TGFBR1: variants seen among roughly 807,000 people sequenced by gnomAD.
TGFBR1 encodes TGF-beta receptor type-1.
A neutral mutation model predicts 55.1 loss-of-function variants in TGFBR1; 20 were observed. The observed-to-expected ratio is 0.36, with a 90% CI of 0.26 to 0.53. The LOEUF (loss-of-function observed/expected upper bound fraction) is 0.53. TGFBR1 is among the 20% of genes least tolerant of loss of function. TGFBR1 has a pLI of 0.91. For missense variants in TGFBR1, 385 were observed against 617.6 expected (o/e 0.62, Z 3.99); for synonymous variants, 220 against 214.8 (o/e 1.02, Z -0.21).
intron 5 of TGFBR1, among the ~76,000 whole-genome samples, chr9:99,143,181 T>C (rs1455126558): frequency 6.6e-6 from 1 of 152,220 alleles, no homozygotes; most frequent in Non-Finnish European, 1.5e-5. Flanking sequence ...AATCTGGAAA[T>C]TTGTTTAGAG....
Position 99,153,331 on chromosome 9 carries a change from C to G in TGFBR1, c.*4026C>G, listed in dbSNP as rs920188811. On this transcript the variant is annotated 3_prime_UTR_variant, in exon 9 of 9. Transcript: ENST00000374994. The stretch of plus-strand genomic sequence containing the variant: ...TTGTTTATATTTGTACCCCAAATAA[C>G]ATCGTCTGTACTTTCTGTTTTCTGT... 4.6e-6 allele frequency: 1 copy of G among 217,550 alleles called. No individual in the cohort carries two copies. Among genetic ancestry groups the G allele is most frequent in the African/African-American group, 2.2e-5 (1 of 44,566 alleles). 13.5% of individuals were successfully genotyped at this position (217,550 alleles called of 1,614,324 possible).
rs1826366468 is a variant in TGFBR1, at chr9:99,105,162, G to A, written c.-44G>A. On this transcript the variant is annotated 5_prime_UTR_variant, in exon 1 of 9. Coordinates refer to ENST00000374994, the MANE Select transcript of TGFBR1 (RefSeq NM_004612.4). ...CGAGGTTTGCTGGGGTGAGGCAGCGGCGCGGCCGGGCCGGGCCGGGCCACA... is the reference window on the plus strand; with the variant it reads ...CGAGGTTTGCTGGGGTGAGGCAGCGACGCGGCCGGGCCGGGCCGGGCCACA... 1.6e-5 allele frequency: 17 copies of A among 1,085,538 alleles called. No individual in the cohort carries two copies. Among genetic ancestry groups the A allele is most frequent in the Non-Finnish European group, 1.9e-5 (17 of 894,316 alleles). 67.2% of individuals were successfully genotyped at this position (1,085,538 alleles called of 1,614,324 possible).
intron 6 of TGFBR1, among the ~76,000 whole-genome samples, chr9:99,146,118 C>T (rs940454123): frequency 3.3e-5 from 5 of 152,060 alleles, no homozygotes; most frequent in African/African-American, 9.7e-5. Flanking sequence ...GGAGTATATT[C>T]GTGCCCTTCC....
intron 1 of TGFBR1, among the ~76,000 whole-genome samples, chr9:99,116,502 CT>C (rs887014512): frequency 3.3e-5 from 5 of 152,172 alleles, no homozygotes; most frequent in African/African-American, 1.2e-4. Flanking sequence ...GTATAATCAC[CT>C]GTGAACCATT....
At chr9:99,111,171 A>G (rs1826559499) in intron 1 of TGFBR1, among the ~76,000 whole-genome samples, 2 of 152,264 alleles carry the variant, frequency 1.3e-5, no homozygotes, top group Admixed American at 1.3e-4. Flanking sequence ...TGATTTATAC[A>G]TATATTCATA....
chr9:99,117,094 A>G (rs1826767808), intron 1 of TGFBR1, among the ~76,000 whole-genome samples: 1 of 151,970 alleles, frequency 6.6e-6, no homozygotes, highest in Non-Finnish European at 1.5e-5. Flanking sequence ...AGGGAGATGA[A>G]TGTTTCAGAT....
Position 99,152,880 on chromosome 9 carries a change from A to G in TGFBR1, c.*3575A>G. 1 of 231,472 alleles carries G rather than the reference A, an allele frequency of 4.3e-6. No individual in the cohort carries two copies. The highest frequency in any genetic ancestry group is 8.6e-6 in the Non-Finnish European group (1 of 116,574). 14.3% of individuals were successfully genotyped at this position (231,472 alleles called of 1,614,324 possible). ...GCCCTCTCAAGAGTGCTGGACTTCT[A>G]GGACATTAAGATGATTGTCAGTACA... On this transcript the variant is annotated 3_prime_UTR_variant, in exon 9 of 9. Transcript: ENST00000374994.
chr9:99,118,863 T>A (rs918727093), intron 1 of TGFBR1, among the ~76,000 whole-genome samples: 1 of 152,116 alleles, frequency 6.6e-6, no homozygotes, highest in Non-Finnish European at 1.5e-5. Context: ...ATCCTCTACC[T>A]AAAATGACTT....
At chr9:99,142,376 AAAAC>A (rs1233966743) in intron 4 of TGFBR1, among the ~76,000 whole-genome samples, 156 bp from the exon 5 acceptor site, 1 of 152,252 alleles carries the variant, frequency 6.6e-6, no homozygotes, top group Non-Finnish European at 1.5e-5. Flanking sequence ...ATAAAAGTAT[AAAAC>A]AAACAATGTA....
At position 99,105,248 on chromosome 9, in the gene TGFBR1, C is replaced by T; in HGVS notation, c.43C>T (p.Leu15Phe). Residue 15 changes from leucine to phenylalanine, a missense_variant, in exon 1 of 9, where the codon CTC becomes TTC. By Grantham distance (22) the Leu-to-Phe change is conservative. Around this residue, in one of 5 missense-constraint regions of TGFBR1, gnomAD observed 37 missense variants for 40.2 expected, o/e 0.92. Transcript: ENST00000374994. ...VAAPRPRLLLLVLAAAAAAAA... is the reference protein window; with the variant it reads ...VAAPRPRLLLFVLAAAAAAAA... ...TGCTCCGCGTCCCCGGCTGCTCCTCCTCGTGCTGGCGGCGGCGGCGGCGGC... is the reference window on the plus strand; with the variant it reads ...TGCTCCGCGTCCCCGGCTGCTCCTCTTCGTGCTGGCGGCGGCGGCGGCGGC... The T allele has an allele frequency of 9.4e-7, 1 of 1,063,690 alleles. No individual in the cohort carries two copies. 65.9% of individuals were successfully genotyped at this position (1,063,690 alleles called of 1,614,324 possible).
chr9:99,109,557 A>G (rs1399959217), intron 1 of TGFBR1, among the ~76,000 whole-genome samples: 1 of 152,208 alleles, frequency 6.6e-6, no homozygotes, highest in Non-Finnish European at 1.5e-5. Flanking sequence ...TATTGCACCA[A>G]ATATGTTCAT....
chr9:99,132,838 G>A, intron 3 of TGFBR1, 99 bp downstream of exon 3: 1 of 1,472,258 alleles, frequency 6.8e-7, no homozygotes, highest in Non-Finnish European at 9.2e-7. Context: ...TAGAATGTGA[G>A]ATAGTATAAA....
At chr9:99,107,326 A>G (rs1826441510) in intron 1 of TGFBR1, among the ~76,000 whole-genome samples, 1 of 152,116 alleles carries the variant, frequency 6.6e-6, no homozygotes, top group African/African-American at 2.4e-5. Flanking sequence ...GCACCTTTTT[A>G]TGTTCTGAGT....
intron 3 of TGFBR1, among the ~76,000 whole-genome samples, chr9:99,135,649 T>C (rs867257069): frequency 3.9e-5 from 6 of 152,208 alleles, no homozygotes; most frequent in Non-Finnish European, 7.3e-5. Flanking sequence ...GTGTTTGTTA[T>C]GGCGTGTGCA....
chr9:99,121,909 A>T (rs183714780), intron 1 of TGFBR1, among the ~76,000 whole-genome samples: 4 of 152,298 alleles, frequency 2.6e-5, no homozygotes, highest in Admixed American at 1.3e-4. Flanking sequence ...TTAAAATACA[A>T]GCTTGGAGCA....
In TGFBR1 at chr9:99,150,890, A is replaced by G. The variant is rs1175752059; in HGVS notation, c.*1585A>G. ...ACTTCCAATGCTATGAAGTCTCTGC[A>G]GGGCTTTTACAGTTTTCGAAGTCCT... is the stretch of plus-strand genomic sequence containing the variant. On this transcript the variant is annotated 3_prime_UTR_variant, in exon 9 of 9. Coordinates refer to ENST00000374994, the MANE Select transcript of TGFBR1 (RefSeq NM_004612.4). 4 of 222,574 alleles carry G rather than the reference A, an allele frequency of 1.8e-5. No individual in the cohort carries two copies. The highest frequency in any genetic ancestry group is 8.9e-5 in the African/African-American group (4 of 44,804). The allele number at this position is 222,574 out of a possible 1,614,324, so 13.8% of individuals were successfully genotyped here.
intron 3 of TGFBR1, among the ~76,000 whole-genome samples, chr9:99,133,316 T>C (rs1034993757): frequency 1.3e-5 from 2 of 152,248 alleles, no homozygotes; most frequent in African/African-American, 4.8e-5. Context: ...TCTTATTTAA[T>C]GTAGTTTTGG....
chr9:99,109,385 G>C (rs1826500531), intron 1 of TGFBR1, among the ~76,000 whole-genome samples: 1 of 152,154 alleles, frequency 6.6e-6, no homozygotes, highest in Non-Finnish European at 1.5e-5. Flanking sequence ...GATCCGCTTT[G>C]TTGTTGAAAT....
rs1187487671 is a variant in TGFBR1 at position 99,132,480 on chromosome 9, T to A, written c.344-29T>A. 1.9e-6 allele frequency: 3 copies of A among 1,612,950 alleles called. No homozygotes were observed. The East Asian group carries it at 6.7e-5, about 36-fold the overall frequency. ...CCTACAGTGTTTTTGTCGTTGTTGATGTTTATTTCACTCGAGGCCCTTTTT... is the reference window on the plus strand; with the variant it reads ...CCTACAGTGTTTTTGTCGTTGTTGAAGTTTATTTCACTCGAGGCCCTTTTT... On this transcript the variant is annotated intron_variant, in intron 2 of 8. Transcript: ENST00000374994.
Sources: gnomAD v4.1 joint callset for allele counts (sites outside exome capture counted in the v4.1 genomes callset) on GRCh38, gnomAD v4.1.1 for gene constraint, gnomAD v4.1.1 regional missense constraint, MANE v1.5 for transcripts, NCBI Gene and HGNC (gene_info 2026-07-23, HGNC 2026-07-21) for gene names.